The following CDC20B variants were observed in gnomAD, a reference collection of about 807,000 sequenced individuals.
CDC20B encodes cell division cycle 20B.
Under a neutral mutation model 64.1 loss-of-function variants are expected in CDC20B, and 58 were observed. The observed-to-expected ratio is 0.90, with a 90% CI of 0.73 to 1.13. The LOEUF (loss-of-function observed/expected upper bound fraction) is 1.13. Ranked by LOEUF, CDC20B falls within the 50% of genes most tolerant of loss-of-function variation. The pLI, the probability that CDC20B is intolerant of heterozygous loss-of-function variation, is 0.00. For synonymous variants in CDC20B, 243 were observed against 230.6 expected, an observed-to-expected ratio of 1.05 and a Z score of -0.49; for missense variants, 597 against 633.0, an observed-to-expected ratio of 0.94 and a Z score of 0.61.
At chr5:55,158,163 G>C (rs966572873) in intron 2 of CDC20B, among the ~76,000 whole-genome samples, 13 of 152,126 alleles carry the variant, frequency 8.5e-5, no homozygotes, top group African/African-American at 3.1e-4. Context: ...GGGAAGTCTG[G>C]GGTGGGGCCC....
At chr5:55,157,133 T>C (rs1743834662) in intron 2 of CDC20B, among the ~76,000 whole-genome samples, 1 of 152,162 alleles carries the variant, frequency 6.6e-6, no homozygotes. Context: ...CAATCTCTTC[T>C]CCTCCTATAG....
chr5:55,137,414 C>A, intron 5 of CDC20B: 1 of 390,144 alleles, frequency 2.6e-6, no homozygotes, highest in South Asian at 1.9e-5. Context: ...ATGGACAAGG[C>A]ATAAAGAATT....
Position 55,146,651 on chromosome 5 carries a change from G to C in CDC20B, c.332C>G (p.Pro111Arg). 1.9e-6 allele frequency: 3 copies of C among 1,614,088 alleles called. No individual in the cohort carries two copies. Among genetic ancestry groups the C allele is most frequent in the Non-Finnish European group, 2.5e-6 (3 of 1,179,976 alleles). ...ACCTAGAGTCAAGGTCTCTTTCTCA[G>C]GCGGTGTCTTCAGCACTGATCCGGA... The part of the protein sequence containing the change: ...EASGSVLKTP[P>R]EKETLTLGSR... Residue 111 changes from proline (P) to arginine (R), a missense_variant, in exon 3 of 12, where the codon CCT becomes CGT. Transcript: ENST00000381375.
intron 11 of CDC20B, among the ~76,000 whole-genome samples, chr5:55,119,575 A>C (rs936370087): frequency 6.6e-6 from 1 of 152,214 alleles, no homozygotes; most frequent in East Asian, 1.9e-4. Flanking sequence ...TCATATACAT[A>C]TGCAAGGAGG....
At chr5:55,149,148 A>G (rs1262167781) in intron 2 of CDC20B, among the ~76,000 whole-genome samples, 2 of 152,364 alleles carry the variant, frequency 1.3e-5, no homozygotes, top group African/African-American at 2.4e-5. Flanking sequence ...AGGGAAATGT[A>G]AACTAAACCA....
intron 1 of CDC20B, 60 bp from the exon 2 acceptor site, chr5:55,172,710 G>A (rs1744643254): frequency 2.3e-6 from 3 of 1,295,226 alleles, no homozygotes; most frequent in South Asian, 1.2e-5. Flanking sequence ...ATAATTTCAG[G>A]TGTGGAATTT....
chr5:55,117,159 T>C (rs80260782), intron 11 of CDC20B, among the ~76,000 whole-genome samples: 1,730 of 152,330 alleles, frequency 0.011, 37 homozygotes, highest in African/African-American at 0.04. Flanking sequence ...ACTCCTATTT[T>C]AAAGCTTAAA....
chr5:55,170,798 T>C (rs531274612), intron 2 of CDC20B: 4 of 474,328 alleles, frequency 8.4e-6, no homozygotes, highest in African/African-American at 5.9e-5. Flanking sequence ...ACATGAAACA[T>C]AGTGGCAGAA....
intron 5 of CDC20B, chr5:55,137,443 T>C (rs2111855947): frequency 2.3e-6 from 1 of 426,912 alleles, no homozygotes; most frequent in South Asian, 1.7e-5. Flanking sequence ...TACACAGCAT[T>C]TGGATAACAT....
At chr5:55,138,100 A>C (rs919997383) in intron 5 of CDC20B, among the ~76,000 whole-genome samples, 2 of 151,686 alleles carry the variant, frequency 1.3e-5, no homozygotes, top group African/African-American at 4.8e-5. Flanking sequence ...TAAAAATGAC[A>C]ATTTTTTAAT....
Position 55,172,966 on chromosome 5 carries a change from C to T in CDC20B, c.35G>A (p.Arg12Lys), listed in dbSNP as rs1408704951. 1 of 1,611,944 alleles carries T rather than the reference C, an allele frequency of 6.2e-7. No individual in the cohort carries two copies. Among genetic ancestry groups the T allele is most frequent in the South Asian group, 1.1e-5 (1 of 90,268 alleles). Residue 12 changes from arginine to lysine, a missense_variant, in exon 1 of 12, where the codon AGG becomes AAG. By Grantham distance (26) the Arg-to-Lys change is conservative. Transcript: ENST00000381375. ...EWKLERTAPRRVRTEEEMLWE... is the reference protein window; with the variant it reads ...EWKLERTAPRKVRTEEEMLWE... Reference sequence around the variant, plus strand: ...CAGCATCTCCTCTTCCGTGCGGACCCTCCGAGGCGCGGTGCGCTCCAGTTT... The same window carrying T: ...CAGCATCTCCTCTTCCGTGCGGACCTTCCGAGGCGCGGTGCGCTCCAGTTT...
At chr5:55,137,574 A>G (rs954726014) in intron 5 of CDC20B, 3 of 456,638 alleles carry the variant, frequency 6.6e-6, no homozygotes, top group African/African-American at 2.0e-5. Flanking sequence ...GGGCCTCTCA[A>G]TTAGTCTTTG....
chr5:55,151,597 G>T (rs907648327), intron 2 of CDC20B, among the ~76,000 whole-genome samples: 1 of 152,202 alleles, frequency 6.6e-6, no homozygotes, highest in Admixed American at 6.5e-5. Flanking sequence ...CTATGTCTGC[G>T]AAAACAACAT....
chr5:55,170,772 T>G (rs551565740), intron 2 of CDC20B: 1 of 507,532 alleles, frequency 2.0e-6, no homozygotes, highest in South Asian at 1.4e-5. Context: ...AGGCAGTCAC[T>G]GAGGCTAAAT....
intron 2 of CDC20B, among the ~76,000 whole-genome samples, chr5:55,171,419 G>A (rs1452149346): frequency 6.6e-6 from 1 of 152,120 alleles, no homozygotes; most frequent in Non-Finnish European, 1.5e-5. Context: ...TAGGAGTCGT[G>A]ATAATACATA....
intron 5 of CDC20B, among the ~76,000 whole-genome samples, chr5:55,139,459 G>C (rs570439569): frequency 2.6e-5 from 4 of 152,276 alleles, no homozygotes; most frequent in Admixed American, 2.6e-4. Context: ...ACTGGAGTGA[G>C]TGAGTGCATG....
chr5:55,130,340 G>A (rs993352352), intron 6 of CDC20B, among the ~76,000 whole-genome samples: 25 of 152,106 alleles, frequency 1.6e-4, no homozygotes. Context: ...TAAAGAATGT[G>A]GAGAAAAAAT....
intron 2 of CDC20B, chr5:55,165,418 G>T (rs757293056): frequency 3.9e-5 from 6 of 152,146 alleles, no homozygotes; most frequent in Admixed American, 6.6e-5. Flanking sequence ...TAAAAAAGTC[G>T]TATAAATTTG....
rs566131004 is a variant in CDC20B, at chr5:55,163,353, C to G, written c.126+9235G>C. Among the ~76,000 whole-genome samples, 69 of 149,948 alleles carry G rather than the reference C, an allele frequency of 4.6e-4. No individual in the cohort carries two copies. In the Middle Eastern group the frequency reaches 0.02, roughly 44 times the overall value. On this transcript the variant is annotated intron_variant, in intron 2 of 11. Coordinates refer to ENST00000381375, the MANE Select transcript of CDC20B (RefSeq NM_001170402.1). ...CCCGGGCAACACAGCGAGACCCTGC[C>G]AAAAAAAAAGTTATTGCTTTTCAAA...
Sources: gnomAD v4.1 joint callset for allele counts (sites outside exome capture counted in the v4.1 genomes callset) on GRCh38, gnomAD v4.1.1 for gene constraint, MANE v1.5 for transcripts, NCBI Gene and HGNC (gene_info 2026-07-23, HGNC 2026-07-21) for gene names.